EGFR: variants seen among roughly 807,000 people sequenced by gnomAD.
EGFR encodes avian erythroblastic leukemia viral (v-erb-b) oncogene homolog.
A neutral mutation model predicts 143.0 loss-of-function variants in EGFR; 58 were observed. The ratio of observed to expected loss-of-function variants is 0.41; its 90% confidence interval spans 0.33 to 0.50. EGFR has a LOEUF of 0.50. Among genes scored for constraint, EGFR ranks in the 20% least tolerant of loss-of-function variants. The pLI is 0.39. For missense variants in EGFR, 1,307 were observed against 1,579.0 expected, an observed-to-expected ratio of 0.83 and a Z score of 2.92; for synonymous variants, 613 against 594.4, an observed-to-expected ratio of 1.03 and a Z score of -0.45.
At chr7:55,058,284 C>T (rs1042105834) in intron 1 of EGFR, among the ~76,000 whole-genome samples, 3 of 152,114 alleles carry the variant, frequency 2.0e-5, no homozygotes, top group Admixed American at 2.0e-4. Context: ...ATCCCAGCTA[C>T]TCGGAAGGCT....
At chr7:55,195,618 A>G (rs1187215435) in intron 22 of EGFR, among the ~76,000 whole-genome samples, 1 of 152,170 alleles carries the variant, frequency 6.6e-6, no homozygotes, top group East Asian at 1.9e-4. Flanking sequence ...TTTATCACCC[A>G]GGGATTAAGC....
In EGFR at chr7:55,041,368, G is replaced by A. The variant is rs374190780; in HGVS notation, c.88+22003G>A. On this transcript the variant is annotated intron_variant, in intron 1 of 27. Coordinates refer to ENST00000275493, the MANE Select transcript of EGFR (RefSeq NM_005228.5). ...AGAGGTTGCAGTGAGCCGAGATCAC[G>A]CCATTGCACTCCAGCCTGGGCAAAA... Among the ~76,000 whole-genome samples, 11 of 152,100 alleles carry A rather than the reference G, an allele frequency of 7.2e-5. No homozygotes were observed. In the South Asian group the frequency reaches 1.0e-3, roughly 14 times the overall value.
Position 55,174,789 on chromosome 7 carries a change from C to T in EGFR, c.2252C>T (p.Thr751Ile), listed in dbSNP as rs727504316. ...PVAIKELREA[T>I]SPKANKEILD... ...GCTATCAAGGAATTAAGAGAAGCAA[C>T]ATCTCCGAAAGCCAACAAGGAAATC... Residue 751 changes from threonine (T) to isoleucine (I), a missense_variant, in exon 19 of 28, where the codon ACA (threonine) becomes ATA (isoleucine). Physicochemically the swap from Thr to Ile is moderately conservative, Grantham distance 89. Transcript: ENST00000275493. 2 of 1,614,126 alleles carry T rather than the reference C, an allele frequency of 1.2e-6. No homozygotes were observed. The highest frequency in any genetic ancestry group is 1.7e-6 in the Non-Finnish European group (2 of 1,179,974).
chr7:55,074,219 G>A (rs143343001), intron 1 of EGFR, among the ~76,000 whole-genome samples: 95 of 152,342 alleles, frequency 6.2e-4, no homozygotes, highest in African/African-American at 2.1e-3. Context: ...GAGTCACGGT[G>A]AAAATGTTTC....
At chr7:55,107,668 A>G (rs1337842254) in intron 1 of EGFR, among the ~76,000 whole-genome samples, 3 of 152,222 alleles carry the variant, frequency 2.0e-5, no homozygotes, top group Admixed American at 1.3e-4. Context: ...TTCAGAGCAC[A>G]TTTGACTTCC....
At chr7:55,042,508 T>G (rs1191188760) in intron 1 of EGFR, among the ~76,000 whole-genome samples, 1 of 152,150 alleles carries the variant, frequency 6.6e-6, no homozygotes, top group Non-Finnish European at 1.5e-5. Context: ...TTTTTTACAC[T>G]TGGTACATGG....
Position 55,211,531 on chromosome 7 carries a change from T to G in EGFR, c.*5914T>G, listed in dbSNP as rs1041302159. 3 of 152,204 alleles carry G rather than the reference T, an allele frequency of 2.0e-5. No individual in the cohort carries two copies. The highest frequency in any genetic ancestry group is 4.4e-5 in the Non-Finnish European group (3 of 68,036). 9.4% of individuals were successfully genotyped at this position (152,204 alleles called of 1,614,324 possible). A position where few individuals can be genotyped will look rare whatever the true frequency, so the allele number is the denominator to read the frequency against. Reference sequence around the variant, plus strand: ...GGTTTATACTGTTGATCAGAAATGTTGATTGTGCATTGAGTATTAAAAAAT... The same window carrying G: ...GGTTTATACTGTTGATCAGAAATGTGGATTGTGCATTGAGTATTAAAAAAT... On this transcript the variant is annotated 3_prime_UTR_variant, in exon 28 of 28. Coordinates refer to ENST00000275493, the MANE Select transcript of EGFR (RefSeq NM_005228.5).
intron 1 of EGFR, among the ~76,000 whole-genome samples, chr7:55,049,970 C>G (rs1298543452): frequency 1.3e-5 from 2 of 152,192 alleles, no homozygotes; most frequent in African/African-American, 4.8e-5. Context: ...CCCTCAGAGC[C>G]TCATCTCCCT....
At chr7:55,171,287 C>T in intron 16 of EGFR, 74 bp downstream of exon 16, 1 of 1,585,630 alleles carries the variant, frequency 6.3e-7, no homozygotes, top group Non-Finnish European at 8.7e-7. Flanking sequence ...AGATGCTTTC[C>T]TGCATTTCTG....
At chr7:55,113,659 A>G (rs1323628036) in intron 1 of EGFR, among the ~76,000 whole-genome samples, 4 of 152,266 alleles carry the variant, frequency 2.6e-5, no homozygotes, top group Non-Finnish European at 5.9e-5. Context: ...AGCATAGCTT[A>G]GAACTCTAGT....
chr7:55,126,369 T>C (rs1381419644), intron 1 of EGFR, among the ~76,000 whole-genome samples: 1 of 152,244 alleles, frequency 6.6e-6, no homozygotes, highest in Non-Finnish European at 1.5e-5. Context: ...CTAGATGCTC[T>C]TCTGGGTGTT....
At chr7:55,038,117 G>A (rs181059799) in intron 1 of EGFR, among the ~76,000 whole-genome samples, 4 of 152,034 alleles carry the variant, frequency 2.6e-5, no homozygotes, top group Admixed American at 2.6e-4. Flanking sequence ...ATAGGAAAGC[G>A]GGGGGGTGGA....
intron 5 of EGFR, among the ~76,000 whole-genome samples, chr7:55,151,603 C>T (rs908631327): frequency 5.3e-5 from 8 of 152,160 alleles, no homozygotes; most frequent in Non-Finnish European, 7.3e-5. Context: ...GGGCTGGGCG[C>T]GGTGGCTCAC....
intron 1 of EGFR, among the ~76,000 whole-genome samples, chr7:55,060,794 G>A (rs774766916): frequency 2.8e-4 from 42 of 152,308 alleles, no homozygotes; most frequent in African/African-American, 9.4e-4. Flanking sequence ...TCTGGATACC[G>A]TGTGGCCTGA....
intron 1 of EGFR, among the ~76,000 whole-genome samples, chr7:55,125,043 C>T (rs1278844364): frequency 1.3e-5 from 2 of 152,220 alleles, no homozygotes; most frequent in Non-Finnish European, 2.9e-5. Context: ...GTTGATTCAG[C>T]AAATCTGGGA....
chr7:55,199,856 G>T (rs1218696728), intron 23 of EGFR, among the ~76,000 whole-genome samples: 1 of 152,172 alleles, frequency 6.6e-6, no homozygotes, highest in African/African-American at 2.4e-5. Context: ...TACTGGAGAC[G>T]CCGGGGGTAG....
chr7:55,033,534 G>A (rs1787385006), intron 1 of EGFR, among the ~76,000 whole-genome samples: 1 of 152,204 alleles, frequency 6.6e-6, no homozygotes, highest in African/African-American at 2.4e-5. Context: ...GGGTCGCAGA[G>A]GGGATTCAGT....
intron 10 of EGFR, among the ~76,000 whole-genome samples, chr7:55,157,407 A>T (rs547636134): frequency 2.0e-5 from 3 of 152,136 alleles, no homozygotes; most frequent in Non-Finnish European, 4.4e-5. Context: ...CAGGGGTCTC[A>T]GGGCCACAGC....
chr7:55,019,505 G>A, intron 1 of EGFR, 140 bp downstream of exon 1: 1 of 353,382 alleles, frequency 2.8e-6, no homozygotes, highest in South Asian at 1.2e-4. Context: ...GATCAGCTGC[G>A]CCGCCGACCG....
Sources: allele counts gnomAD v4.1 joint callset (sites outside exome capture counted in the v4.1 genomes callset), GRCh38; gene constraint gnomAD v4.1.1; transcripts MANE v1.5; gene names NCBI Gene and HGNC (gene_info 2026-07-23, HGNC 2026-07-21).